Variants in FAR1 observed in about 807,000 individuals in gnomAD.
FAR1 encodes the protein male sterility domain-containing protein 2.
In FAR1, 22 loss-of-function variants were observed where a neutral mutation model predicts 61.1. The ratio of observed to expected loss-of-function variants is 0.36; its 90% CI spans 0.26 to 0.51. The LOEUF (loss-of-function observed/expected upper bound fraction) is 0.51, where lower values mean the gene tolerates loss of function less well. Among genes scored for constraint, FAR1 ranks in the 20% least tolerant of loss-of-function variants. The pLI, the probability that FAR1 is intolerant of heterozygous loss-of-function variation, is 0.95. For missense variants in FAR1, 359 were observed against 626.9 expected, an observed-to-expected ratio of 0.57 and a Z score of 4.56; for synonymous variants, 206 against 209.7, an observed-to-expected ratio of 0.98 and a Z score of 0.15.
intron 1 of FAR1, among the ~76,000 whole-genome samples, chr11:13,677,008 G>C (rs1848075252): frequency 6.6e-6 from 1 of 152,166 alleles, no homozygotes; most frequent in Non-Finnish European, 1.5e-5. Flanking sequence ...TGTTGGTTAT[G>C]GCAATCCCAA....
intron 3 of FAR1, among the ~76,000 whole-genome samples, chr11:13,704,258 G>T (rs1471424033): frequency 6.6e-6 from 1 of 152,008 alleles, no homozygotes; most frequent in Non-Finnish European, 1.5e-5. Flanking sequence ...AGGCTGAAGG[G>T]AGAGATGGAT....
chr11:13,712,291 GAA>G (rs34685022), intron 7 of FAR1, among the ~76,000 whole-genome samples: 1 of 131,030 alleles, frequency 7.6e-6, no homozygotes. Flanking sequence ...ACTTAAAAAT[GAA>G]AAAAAAAAAA....
In FAR1 at chr11:13,682,673, A is replaced by G. The variant is rs190395044; in HGVS notation, c.-7-12086A>G. On this transcript the variant is annotated intron_variant, in intron 1 of 11. Transcript: ENST00000354817. ...ACCCAGGCTGGAGTGCAGTGGCACA[A>G]TTATGGCTAACTGTAGTCTCAACCT... Among the ~76,000 whole-genome samples, 4 of 152,338 alleles carry G rather than the reference A, an allele frequency of 2.6e-5. No individual in the cohort carries two copies. The East Asian group carries it at 7.7e-4, about 29-fold the overall frequency.
intron 1 of FAR1, among the ~76,000 whole-genome samples, chr11:13,677,835 C>T (rs532083652): frequency 6.6e-6 from 1 of 152,230 alleles, no homozygotes; most frequent in South Asian, 2.1e-4. Context: ...AATTGAATCA[C>T]AAAAAATATG....
intron 1 of FAR1, among the ~76,000 whole-genome samples, chr11:13,678,694 A>G (rs1233783303): frequency 1.3e-5 from 2 of 151,962 alleles, no homozygotes; most frequent in African/African-American, 4.8e-5. Flanking sequence ...ACATTTATGA[A>G]GAGCAGGGCT....
rs371084307 is a variant in FAR1 at position 13,682,919 on chromosome 11, C to A, written c.-7-11840C>A. 6.6e-5 allele frequency among the ~76,000 whole-genome samples: 10 copies of A among 152,162 alleles called. No individual in the cohort carries two copies. In the South Asian group the frequency reaches 1.9e-3, roughly 28 times the overall value. On this transcript the variant is annotated intron_variant, in intron 1 of 11. Coordinates refer to ENST00000354817, the MANE Select transcript of FAR1 (RefSeq NM_032228.6). ...GAGCCACTGCACTCAGCCAGTTCCC[C>A]CTTTTAAAGGGACATTTATTTGAAG...
chr11:13,690,195 C>T (rs1848234127), intron 1 of FAR1, among the ~76,000 whole-genome samples: 1 of 151,852 alleles, frequency 6.6e-6, no homozygotes, highest in African/African-American at 2.4e-5. Flanking sequence ...TTTTGTAATG[C>T]CCATTTGTAT....
chr11:13,707,878 G>T, intron 3 of FAR1, 22 bp from the exon 4 acceptor site: 4 of 1,458,130 alleles, frequency 2.7e-6, no homozygotes, highest in East Asian at 2.6e-5. Flanking sequence ...ATTTTCTATT[G>T]TCACTTTTTC....
chr11:13,722,546 TCA>T (rs1848621968), intron 10 of FAR1, among the ~76,000 whole-genome samples: 1 of 152,110 alleles, frequency 6.6e-6, no homozygotes. Context: ...CAATCTTGGC[TCA>T]CTGCAACCTC....
At position 13,697,553 on chromosome 11, in the gene FAR1, G is replaced by A. The variant is rs546486197; in HGVS notation, c.189+2599G>A. Among the ~76,000 whole-genome samples, 6 of 152,280 alleles carry A rather than the reference G, an allele frequency of 3.9e-5. No homozygotes were observed. In the East Asian group the frequency reaches 1.2e-3, roughly 29 times the overall value. The stretch of plus-strand genomic sequence containing the variant: ...AAAAGGCATTAGTAAACGTAGTAAA[G>A]TAGGAACTAATTGGGTACTAGTGGG... On this transcript the variant is annotated intron_variant, in intron 2 of 11. Transcript: ENST00000354817.
At chr11:13,703,290 C>G (rs936010084) in intron 3 of FAR1, among the ~76,000 whole-genome samples, 1 of 152,138 alleles carries the variant, frequency 6.6e-6, no homozygotes, top group Non-Finnish European at 1.5e-5. Context: ...TTCAAGTGAT[C>G]GTCCCACCTC....
At chr11:13,692,886 A>G (rs938462163) in intron 1 of FAR1, among the ~76,000 whole-genome samples, 3 of 152,028 alleles carry the variant, frequency 2.0e-5, no homozygotes, top group African/African-American at 7.2e-5. Flanking sequence ...TTGTAGTTCT[A>G]TTGCTTTTCA....
At chr11:13,722,901 A>G (rs901113622) in intron 10 of FAR1, among the ~76,000 whole-genome samples, 9 of 151,288 alleles carry the variant, frequency 5.9e-5, no homozygotes, top group Non-Finnish European at 2.9e-5. Flanking sequence ...ATGTATACCA[A>G]TATCTGTGCT....
chr11:13,702,939 T>C (rs1364122917), intron 3 of FAR1, among the ~76,000 whole-genome samples: 1 of 152,218 alleles, frequency 6.6e-6, no homozygotes, highest in East Asian at 1.9e-4. Flanking sequence ...TTTCTTCTTT[T>C]ACTAGAGATG....
At chr11:13,700,232 T>A in intron 2 of FAR1, 85 bp from the exon 3 acceptor site, 1 of 991,214 alleles carries the variant, frequency 1.0e-6, no homozygotes, top group East Asian at 2.7e-5. Flanking sequence ...AAAATAGTCA[T>A]CCTTGGTGGG....
rs1002994269 is a variant in FAR1 at position 13,730,909 on chromosome 11, A to G, written c.*2135A>G. 2.0e-5 allele frequency: 3 copies of G among 152,162 alleles called. No individual in the cohort carries two copies. Among genetic ancestry groups the G allele is most frequent in the Admixed American group, 2.0e-4 (3 of 15,254 alleles). The allele number at this position is 152,162 out of a possible 1,614,324, so 9.4% of individuals were successfully genotyped here. ...AAGTTCTAAGATTAGTATAAAGAGT[A>G]TATAGATTGTTAATCCCCACCAGCT... On this transcript the variant is annotated 3_prime_UTR_variant, in exon 12 of 12. Coordinates refer to ENST00000354817, the MANE Select transcript of FAR1 (RefSeq NM_032228.6).
In FAR1 at chr11:13,679,636, T is replaced by C. The variant is rs1249813452; in HGVS notation, c.-8+10830T>C. Among the ~76,000 whole-genome samples, 3 of 152,246 alleles carry C rather than the reference T, an allele frequency of 2.0e-5. 1 individual carries two copies. The highest frequency in any genetic ancestry group is 7.2e-5 in the African/African-American group (3 of 41,468). ...CAGAAACAAAGGAAAATGTATATTA[T>C]TGAAAAATTTGTTTTCTGATCAGCA... On this transcript the variant is annotated intron_variant, in intron 1 of 11. Transcript: ENST00000354817.
rs767792106 is a variant in FAR1 at position 13,712,970 on chromosome 11, A to G, written c.892A>G (p.Arg298Gly). The part of the protein sequence containing the change: ...AAWYSGVNRP[R>G]NIMVYNCTTG... ...GTTTCATCTTTGTCTTTGCAGACCA[A>G]GAAACATCATGGTGTATAATTGTAC... Residue 298 changes from arginine to glycine, a missense_variant, in exon 8 of 12, where the codon AGA (arginine) becomes GGA (glycine). Arg to Gly is a moderately radical substitution (Grantham distance 125). Around this residue, in one of 2 missense-constraint regions of FAR1, gnomAD observed 344 missense variants for 570.3 expected, o/e 0.60. Coordinates refer to ENST00000354817, the MANE Select transcript of FAR1 (RefSeq NM_032228.6). 7.4e-6 allele frequency: 12 copies of G among 1,612,336 alleles called. No homozygotes were observed. Among genetic ancestry groups the G allele is most frequent in the South Asian group, 3.3e-5 (3 of 91,002 alleles).
chr11:13,697,564 T>C (rs1226303471), intron 2 of FAR1, among the ~76,000 whole-genome samples: 2 of 152,162 alleles, frequency 1.3e-5, no homozygotes, highest in Non-Finnish European at 2.9e-5. Context: ...TAGGAACTAA[T>C]TGGGTACTAG....
Sources: allele counts gnomAD v4.1 joint callset (sites outside exome capture counted in the v4.1 genomes callset), GRCh38; gene constraint gnomAD v4.1.1; regional missense constraint gnomAD v4.1.1; transcripts MANE v1.5; gene names NCBI Gene and HGNC (gene_info 2026-07-23, HGNC 2026-07-21).